The following DLG5 variants were observed in gnomAD, a reference collection of about 807,000 sequenced individuals.
DLG5 encodes the protein disks large homolog 5.
Under a neutral mutation model 189.8 loss-of-function variants are expected in DLG5, and 48 were observed. The ratio of observed to expected loss-of-function variants is 0.25; its 90% CI spans 0.20 to 0.32. The LOEUF is 0.32. DLG5 is among the 10% of genes least tolerant of loss of function. The pLI is 1.00. For synonymous variants in DLG5, 1,016 were observed against 1,054.1 expected, an observed-to-expected ratio of 0.96 and a Z score of 0.70; for missense variants, 2,160 against 2,544.7, an observed-to-expected ratio of 0.85 and a Z score of 3.25.
At chr10:77,851,449 G>A (rs187560801) in intron 5 of DLG5, among the ~76,000 whole-genome samples, 1 of 152,292 alleles carries the variant, frequency 6.6e-6, no homozygotes, top group African/African-American at 2.4e-5. Flanking sequence ...ATCTATAAAG[G>A]GTGGGAAGCA....
At chr10:77,930,857 G>A (rs1420110855), upstream of DLG5, among the ~76,000 whole-genome samples, 1 of 99,564 alleles carries the variant, frequency 1.0e-5, no homozygotes, top group African/African-American at 4.0e-5. Context: ...TTTCACTCTT[G>A]TTGCCCAGGC....
intron 26 of DLG5, 83 bp downstream of exon 26, chr10:77,806,674 AG>A (rs1173816092): frequency 1.1e-5 from 16 of 1,494,226 alleles, no homozygotes; most frequent in Non-Finnish European, 1.4e-5. Context: ...CCCTGGCCCC[AG>A]CCCCCTCCCA....
intron 30 of DLG5, among the ~76,000 whole-genome samples, 179 bp downstream of exon 30, chr10:77,794,670 T>G (rs1378488151): frequency 6.6e-6 from 1 of 152,192 alleles, no homozygotes; most frequent in African/African-American, 2.4e-5. Flanking sequence ...ACACCACCTC[T>G]GAGTAGGGGA....
intron 9 of DLG5, 84 bp downstream of exon 9, chr10:77,833,830 C>G: frequency 6.4e-7 from 1 of 1,554,358 alleles, no homozygotes; most frequent in South Asian, 1.2e-5. Context: ...GGCCAATGCA[C>G]TCAGCATTGC....
chr10:77,806,676 C>T lies in DLG5; in HGVS notation c.4967+82G>A, dbSNP rs532356408. Reference sequence around the variant, plus strand: ...CCTCCTCCAGCAGCCCTGGCCCCAGCCCCCTCCCATGGGACAGCTCCATGG... The same window carrying T: ...CCTCCTCCAGCAGCCCTGGCCCCAGTCCCCTCCCATGGGACAGCTCCATGG... On this transcript the variant is annotated intron_variant, in intron 26 of 31. Transcript: ENST00000372391. The T allele has an allele frequency of 3.4e-6, 5 of 1,492,044 alleles. No homozygotes were observed. In the African/African-American group the frequency reaches 5.5e-5, roughly 16 times the overall value. 92.4% of individuals were successfully genotyped at this position (1,492,044 alleles called of 1,614,324 possible).
intron 6 of DLG5, 46 bp from the exon 7 acceptor site, chr10:77,842,239 C>T (rs750346706): frequency 5.1e-6 from 8 of 1,571,272 alleles, no homozygotes; most frequent in East Asian, 2.2e-5. Context: ...GGGCCCTGCC[C>T]GGTCAGTGGC....
chr10:77,882,558 C>T (rs2154577404), intron 1 of DLG5, among the ~76,000 whole-genome samples: 1 of 152,200 alleles, frequency 6.6e-6, no homozygotes. Flanking sequence ...CTTCCTTCTA[C>T]TCTTATTCAA....
intron 15 of DLG5, 197 bp downstream of exon 15, chr10:77,820,885 C>T: frequency 3.2e-6 from 2 of 623,808 alleles, no homozygotes; most frequent in South Asian, 2.4e-5. Flanking sequence ...TTGTGTCACA[C>T]TCCCACTACC....
intron 1 of DLG5, among the ~76,000 whole-genome samples, chr10:77,895,741 G>A (rs959757927): frequency 6.6e-6 from 1 of 152,194 alleles, no homozygotes; most frequent in Admixed American, 6.5e-5. Context: ...TGGGCGCGGT[G>A]GCTCACGCCT....
At chr10:77,836,059 C>A (rs185988532) in intron 7 of DLG5, 137 bp from the exon 8 acceptor site, 1 of 840,286 alleles carries the variant, frequency 1.2e-6, no homozygotes, top group Non-Finnish European at 1.8e-6. Context: ...TCGCAGCACA[C>A]CCCATACCCC....
chr10:77,879,541 C>T (rs1179959336), intron 1 of DLG5, among the ~76,000 whole-genome samples: 4 of 151,850 alleles, frequency 2.6e-5, no homozygotes, highest in Admixed American at 2.0e-4. Flanking sequence ...ACAGCAAACT[C>T]GCAAGTCCAG....
rs75411683 is a variant in DLG5 at position 77,910,500 on chromosome 10, T to C, written c.304+15717A>G. Among the ~76,000 whole-genome samples the C allele has an allele frequency of 3.3e-4, 51 of 152,264 alleles. No individual in the cohort carries two copies. In the East Asian group the frequency reaches 9.5e-3, roughly 28 times the overall value. On this transcript the variant is annotated intron_variant, in intron 1 of 31. Transcript: ENST00000372391. ...GCTGGTGCCCACAAAGCCAGGAGAA[T>C]GTCAGGAAAAACTAGCCACGGATCT...
chr10:77,877,927 G>A (rs12573273), intron 1 of DLG5, among the ~76,000 whole-genome samples: 5,039 of 152,322 alleles, frequency 0.033, 234 homozygotes, highest in East Asian at 0.25. Flanking sequence ...CTGAGCAGCA[G>A]GGGCACCCAA....
At chr10:77,841,652 CTG>C (rs1238467477) in intron 7 of DLG5, among the ~76,000 whole-genome samples, 2 of 152,220 alleles carry the variant, frequency 1.3e-5, no homozygotes, top group Non-Finnish European at 2.9e-5. Context: ...GCAGCCATGA[CTG>C]TGTCTGGGTC....
chr10:77,817,343 G>A (rs1267897688), intron 18 of DLG5, among the ~76,000 whole-genome samples: 1 of 152,220 alleles, frequency 6.6e-6, no homozygotes. Context: ...CGGAACAGCA[G>A]CCTAAGAGAC....
intron 13 of DLG5, among the ~76,000 whole-genome samples, chr10:77,825,578 T>C (rs1267689926): frequency 6.6e-6 from 1 of 151,724 alleles, no homozygotes; most frequent in South Asian, 2.1e-4. Flanking sequence ...TTTTTTGAGA[T>C]GGAGTCTCGC....
rs1844803223 is a variant in DLG5, at chr10:77,869,191, G to A, written c.311C>T (p.Thr104Ile). 1 of 1,613,696 alleles carries A rather than the reference G, an allele frequency of 6.2e-7. No homozygotes were observed. The highest frequency in any genetic ancestry group is 1.1e-5 in the South Asian group (1 of 91,056). The change falls in exon 2 of 32, where the codon ACC becomes ATC. Residue 104 changes from threonine (T) to isoleucine (I), a missense_variant. Physicochemically the swap from Thr to Ile is moderately conservative, Grantham distance 89. Transcript: ENST00000372391. ...PPQPAEGAGS[T>I]YSVLSTMPSD... ...GGGCATGGTGGACAGGACGCTGTAG[G>A]TAGAACCTGGGGAAAGAGGGGAGAC...
rs142696061 is a variant in DLG5 at position 77,805,739 on chromosome 10, C to T, written c.5090G>A (p.Arg1697His). 20 of 1,613,996 alleles carry T rather than the reference C, an allele frequency of 1.2e-5. No homozygotes were observed. Among genetic ancestry groups the T allele is most frequent in the Non-Finnish European group, 1.4e-5 (17 of 1,180,036 alleles). Residue 1697 changes from arginine to histidine, a missense_variant, in exon 27 of 32, where the codon CGC becomes CAC. Arg to His is a conservative substitution (Grantham distance 29, BLOSUM62 0). This residue lies in a region of DLG5 where 574 missense variants were observed against 644.2 expected (regional missense o/e 0.89). Coordinates refer to ENST00000372391, the MANE Select transcript of DLG5 (RefSeq NM_004747.4). ...GTCTTTCCCGTCCTTGGACCCGCTGCGTTTGTGCTTGTGTTTCCTCCGAAA... is the reference window on the plus strand; with the variant it reads ...GTCTTTCCCGTCCTTGGACCCGCTGTGTTTGTGCTTGTGTTTCCTCCGAAA... Reference protein sequence around the residue: ...SFFRRKHKHKRSGSKDGKDLL... With the variant: ...SFFRRKHKHKHSGSKDGKDLL...
rs766987811 is a variant in DLG5 at position 77,868,041 on chromosome 10, G to A, written c.373+1088C>T. The A allele has an allele frequency of 3.3e-5, 15 of 456,600 alleles. 1 individual carries two copies. Among genetic ancestry groups the A allele is most frequent in the South Asian group, 1.7e-4 (11 of 64,576 alleles). 28.3% of individuals were successfully genotyped at this position (456,600 alleles called of 1,614,324 possible). Reference sequence around the variant, plus strand: ...GGATTACCAGCAAGCCACCAGAAGCGAGGAGAGAGGCCCGGGACAGATCTC... The same window carrying A: ...GGATTACCAGCAAGCCACCAGAAGCAAGGAGAGAGGCCCGGGACAGATCTC... On this transcript the variant is annotated intron_variant, in intron 2 of 31. Transcript: ENST00000372391.
Sources: allele counts gnomAD v4.1 joint callset (sites outside exome capture counted in the v4.1 genomes callset), GRCh38; gene constraint gnomAD v4.1.1; regional missense constraint gnomAD v4.1.1; transcripts MANE v1.5; gene names NCBI Gene and HGNC (gene_info 2026-07-23, HGNC 2026-07-21).